DENND2B: variants seen among roughly 807,000 people sequenced by gnomAD.
The protein encoded by DENND2B is DENN domain containing 2B.
A neutral mutation model predicts 116.0 loss-of-function variants in DENND2B; 32 were observed. The ratio of observed to expected loss-of-function variants is 0.28; its 90% CI spans 0.21 to 0.37. DENND2B has a LOEUF of 0.37. Among genes scored for constraint, DENND2B ranks in the 10% least tolerant of loss-of-function variants. DENND2B has a pLI of 1.00. For missense variants in DENND2B, 1,276 were observed against 1,477.7 expected (o/e 0.86, Z 2.24); for synonymous variants, 588 against 583.9 (o/e 1.01, Z -0.10).
chr11:8,763,657 A>G (rs2134130364), intron 1 of DENND2B, among the ~76,000 whole-genome samples: 1 of 150,508 alleles, frequency 6.6e-6, no homozygotes, highest in East Asian at 1.9e-4. Context: ...TATTTATAGA[A>G]AACAATAAAA....
intron 1 of DENND2B, chr11:8,808,314 A>G (rs539725871): frequency 2.0e-5 from 3 of 152,426 alleles, no homozygotes; most frequent in South Asian, 4.1e-4. Context: ...TCCAGCTGCT[A>G]AAGTTTATGG....
chr11:8,862,298 G>A (rs1444462832), intron 2 of DENND2B, among the ~76,000 whole-genome samples: 2 of 150,370 alleles, frequency 1.3e-5, no homozygotes, highest in Admixed American at 1.3e-4. Flanking sequence ...AGTCAGTGAG[G>A]GGAAAAAGAT....
At chr11:8,859,824 C>CT (rs2063334510) in intron 2 of DENND2B, among the ~76,000 whole-genome samples, 1 of 152,184 alleles carries the variant, frequency 6.6e-6, no homozygotes, top group Non-Finnish European at 1.5e-5. Context: ...GTTACACCAT[C>CT]TGCCATGCCA....
intron 4 of DENND2B, among the ~76,000 whole-genome samples, chr11:8,816,527 G>T (rs2061573162): frequency 1.3e-5 from 2 of 151,030 alleles, no homozygotes; most frequent in Middle Eastern, 6.8e-3. Context: ...CTACAGCCTG[G>T]GTGACAGAGC....
chr11:8,768,410 C>A lies in DENND2B; in HGVS notation c.-25-17685G>T, dbSNP rs139804231. Reference sequence around the variant, plus strand: ...TACAGGTGCATGTAACCATAGCCAGCTAAGTTTTTAAATTTTTTGTAGAGA... The same window carrying A: ...TACAGGTGCATGTAACCATAGCCAGATAAGTTTTTAAATTTTTTGTAGAGA... On this transcript the variant is annotated intron_variant, in intron 1 of 19. Transcript: ENST00000313726. Among the ~76,000 whole-genome samples the A allele has an allele frequency of 8.5e-3, 1,299 of 152,024 alleles. 18 individuals are homozygous for A. Among genetic ancestry groups the A allele is most frequent in the Non-Finnish European group, 9.4e-3 (636 of 67,984 alleles).
At chr11:8,869,933 CA>C (rs11454088) in intron 2 of DENND2B, among the ~76,000 whole-genome samples, 4 of 151,104 alleles carry the variant, frequency 2.6e-5, no homozygotes, top group Non-Finnish European at 4.4e-5. Context: ...CTAATTCTGG[CA>C]AAAAAAAATC....
intron 1 of DENND2B, among the ~76,000 whole-genome samples, chr11:8,772,821 A>G (rs1454108084): frequency 5.9e-5 from 9 of 151,996 alleles, no homozygotes; most frequent in Admixed American, 2.0e-4. Context: ...GACAACAAAC[A>G]TCAAGCCTGC....
chr11:8,843,024 C>T (rs1594204027), intron 3 of DENND2B, among the ~76,000 whole-genome samples: 2 of 149,502 alleles, frequency 1.3e-5, no homozygotes, highest in African/African-American at 2.5e-5. Context: ...TCTTTTCTCT[C>T]TTTTTTTTTT....
intron 1 of DENND2B, among the ~76,000 whole-genome samples, chr11:8,888,231 C>G (rs1054416992): frequency 1.5e-4 from 23 of 152,302 alleles, no homozygotes; most frequent in Admixed American, 1.0e-3. Context: ...CCATGGCAGG[C>G]AGCTGTACAC....
intron 1 of DENND2B, among the ~76,000 whole-genome samples, chr11:8,752,450 TC>T (rs2052700826): frequency 7.6e-6 from 1 of 131,858 alleles, no homozygotes; most frequent in Non-Finnish European, 1.7e-5. Context: ...AGATTCTGTC[TC>T]AAAAAAAAAA....
chr11:8,897,406 C>T (rs894807918), intron 1 of DENND2B, among the ~76,000 whole-genome samples: 1 of 152,228 alleles, frequency 6.6e-6, no homozygotes, highest in Non-Finnish European at 1.5e-5. Context: ...CTACCCCCAG[C>T]TCCAACATAG....
At chr11:8,871,859 A>C (rs1469532437), upstream of DENND2B, among the ~76,000 whole-genome samples, 1 of 152,250 alleles carries the variant, frequency 6.6e-6, no homozygotes, top group Non-Finnish European at 1.5e-5. Context: ...CCAGTATAAC[A>C]ATCAACTTGG....
At chr11:8,776,146 G>GCGTGCA (rs746605997) in intron 1 of DENND2B, 1 of 264,216 alleles carries the variant, frequency 3.8e-6, no homozygotes. Flanking sequence ...GCACGTGCGC[G>GCGTGCA]CACGCGCGCG....
upstream of DENND2B, chr11:8,810,706 G>A (rs543454179): frequency 6.6e-6 from 1 of 152,386 alleles, no homozygotes; most frequent in South Asian, 2.1e-4. Context: ...CAGGCCGGTT[G>A]TCATGGAGAC....
intron 1 of DENND2B, among the ~76,000 whole-genome samples, chr11:8,886,924 G>A (rs1194588689): frequency 6.6e-6 from 1 of 152,132 alleles, no homozygotes; most frequent in Non-Finnish European, 1.5e-5. Flanking sequence ...CACCTACCGG[G>A]TTCAAGCGAT....
At chr11:8,815,692 A>C (rs1667309492) in intron 4 of DENND2B, among the ~76,000 whole-genome samples, 1 of 152,236 alleles carries the variant, frequency 6.6e-6, no homozygotes, top group Non-Finnish European at 1.5e-5. Context: ...GCAAATCAAC[A>C]GCAGTTTAAA....
chr11:8,721,342 C>T lies in DENND2B; in HGVS notation c.1478-3450G>A, dbSNP rs577685310. On this transcript the variant is annotated intron_variant, in intron 4 of 19. Coordinates refer to ENST00000313726, the MANE Select transcript of DENND2B (RefSeq NM_213618.2). ...CTCCCCATAACTCCTTTGGTCTTAA[C>T]CACACATACAGCACTCCCCCAGCCC... 9.7e-4 allele frequency among the ~76,000 whole-genome samples: 147 copies of T among 152,230 alleles called. 1 individual carries two copies. Among genetic ancestry groups the T allele is most frequent in the African/African-American group, 3.3e-3 (137 of 41,536 alleles).
intron 16 of DENND2B, among the ~76,000 whole-genome samples, chr11:8,698,510 T>A (rs2040870034): frequency 6.6e-6 from 1 of 152,242 alleles, no homozygotes; most frequent in South Asian, 2.1e-4. Flanking sequence ...AAAGGCTTTT[T>A]GTAGTTGACA....
chr11:8,770,894 A>G (rs1337671354), intron 1 of DENND2B, among the ~76,000 whole-genome samples: 2 of 152,142 alleles, frequency 1.3e-5, no homozygotes, highest in East Asian at 3.9e-4. Context: ...ACTTGTGTGC[A>G]CAGGGAAGTA....
Sources: gnomAD v4.1 joint callset for allele counts (sites outside exome capture counted in the v4.1 genomes callset) on GRCh38, gnomAD v4.1.1 for gene constraint, MANE v1.5 for transcripts, NCBI Gene and HGNC (gene_info 2026-07-23, HGNC 2026-07-21) for gene names.